CYRIA: variants seen among roughly 807,000 people sequenced by gnomAD.
CYRIA encodes the protein CYFIP-related Rac1 interactor A.
CYRIA carries 15 observed loss-of-function variants against 43.9 expected under a neutral mutation model. The ratio of observed to expected loss-of-function variants is 0.34; its 90% CI spans 0.23 to 0.53. CYRIA has a LOEUF of 0.53. Among genes scored for constraint, CYRIA ranks in the 20% least tolerant of loss-of-function variants. CYRIA has a pLI of 0.94. For missense variants in CYRIA, 236 were observed against 394.2 expected (o/e 0.60, Z 3.40); for synonymous variants, 117 against 136.0 (o/e 0.86, Z 0.97).
chr2:16,569,101 G>A (rs1250008202), intron 3 of CYRIA, among the ~76,000 whole-genome samples: 2 of 152,310 alleles, frequency 1.3e-5, no homozygotes, highest in South Asian at 2.1e-4. Context: ...TCCATCCCAG[G>A]TGAAGGGACC....
intron 2 of CYRIA, among the ~76,000 whole-genome samples, chr2:16,607,770 T>C (rs1668458939): frequency 6.6e-6 from 1 of 152,082 alleles, no homozygotes; most frequent in South Asian, 2.1e-4. Context: ...CTAATTTTCG[T>C]ATTTTTAGTA....
chr2:16,638,794 G>T (rs575969776), intron 1 of CYRIA, among the ~76,000 whole-genome samples: 1 of 152,136 alleles, frequency 6.6e-6, no homozygotes, highest in Non-Finnish European at 1.5e-5. Flanking sequence ...TGTTGTGTGT[G>T]TAGATCTATA....
chr2:16,660,904 G>T (rs1670235518), intron 1 of CYRIA, among the ~76,000 whole-genome samples: 2 of 152,198 alleles, frequency 1.3e-5, no homozygotes, highest in Admixed American at 1.3e-4. Context: ...ATTCGTGGGG[G>T]AAATGGGATT....
At chr2:16,625,606 C>T (rs1669137716) in intron 1 of CYRIA, 1 of 152,240 alleles carries the variant, frequency 6.6e-6, no homozygotes, top group African/African-American at 2.4e-5. Context: ...TTGGGGTCCA[C>T]AAATTCCACT....
At chr2:16,654,618 AG>A (rs1343449412) in intron 1 of CYRIA, among the ~76,000 whole-genome samples, 13 of 152,208 alleles carry the variant, frequency 8.5e-5, no homozygotes, top group African/African-American at 3.1e-4. Context: ...AGCCCTTTTC[AG>A]TCCTATGTCT....
At chr2:16,665,306 G>A (rs1408566245) in intron 1 of CYRIA, among the ~76,000 whole-genome samples, 1 of 152,132 alleles carries the variant, frequency 6.6e-6, no homozygotes, top group East Asian at 1.9e-4. Context: ...AAGAACGTCT[G>A]TGGCAGGTGG....
intron 1 of CYRIA, among the ~76,000 whole-genome samples, chr2:16,644,616 T>C (rs1418637874): frequency 6.6e-6 from 1 of 152,194 alleles, no homozygotes; most frequent in Non-Finnish European, 1.5e-5. Context: ...ACACTTGTCA[T>C]TACCAAATTC....
intron 3 of CYRIA, among the ~76,000 whole-genome samples, chr2:16,570,426 A>G (rs1464193855): frequency 6.6e-6 from 1 of 152,224 alleles, no homozygotes; most frequent in African/African-American, 2.4e-5. Flanking sequence ...TGAGTCTGAC[A>G]CAGTGAAAAA....
At chr2:16,634,864 G>T (rs892589976) in intron 1 of CYRIA, among the ~76,000 whole-genome samples, 1 of 152,202 alleles carries the variant, frequency 6.6e-6, no homozygotes, top group Non-Finnish European at 1.5e-5. Context: ...TTACACCATG[G>T]AAATTGTCCC....
chr2:16,645,519 G>A (rs2103540675), intron 1 of CYRIA, among the ~76,000 whole-genome samples: 1 of 152,302 alleles, frequency 6.6e-6, no homozygotes, highest in Middle Eastern at 3.4e-3. Context: ...AGAATTGAAT[G>A]CCTGTGAAGT....
At chr2:16,558,442 T>C (rs1229453202) in intron 10 of CYRIA, among the ~76,000 whole-genome samples, 2 of 152,188 alleles carry the variant, frequency 1.3e-5, no homozygotes, top group African/African-American at 4.8e-5. Flanking sequence ...CACTGTTCTC[T>C]GCAGATGAGT....
intron 1 of CYRIA, among the ~76,000 whole-genome samples, chr2:16,626,856 C>T (rs574458463): frequency 6.6e-6 from 1 of 152,358 alleles, no homozygotes; most frequent in South Asian, 2.1e-4. Flanking sequence ...GGCTTCACAC[C>T]ACACAACACA....
In CYRIA at chr2:16,606,657, T is replaced by C. The variant is rs535817903; in HGVS notation, c.-11+17207A>G. ...TGTTCTTGAAGTTTATCTGCCTCCA[T>C]AGTTCTCTGGCAGGTGGTAAAATAC... On this transcript the variant is annotated intron_variant, in intron 2 of 11. Transcript: ENST00000381323. 7.2e-5 allele frequency among the ~76,000 whole-genome samples: 11 copies of C among 152,128 alleles called. No homozygotes were observed. The South Asian group carries it at 2.3e-3, about 32-fold the overall frequency.
chr2:16,658,790 G>A (rs1168581371), intron 1 of CYRIA, among the ~76,000 whole-genome samples: 1 of 150,498 alleles, frequency 6.6e-6, no homozygotes, highest in African/African-American at 2.5e-5. Flanking sequence ...TAATCCCCCA[G>A]TTTCTGTGGA....
chr2:16,560,353 C>T (rs1666681037), intron 9 of CYRIA, among the ~76,000 whole-genome samples: 1 of 152,064 alleles, frequency 6.6e-6, no homozygotes, highest in African/African-American at 2.4e-5. Flanking sequence ...TTTGGTCTTC[C>T]TAAAGACTCT....
chr2:16,580,527 C>T lies in CYRIA; in HGVS notation c.70+7523G>A, dbSNP rs77696314. On this transcript the variant is annotated intron_variant, in intron 3 of 11. Coordinates refer to ENST00000381323, the MANE Select transcript of CYRIA (RefSeq NM_030797.4). ...TAAAAGGAAAGATGTGCTATATTCA[C>T]AGATAGGAAAAATCAATATTACACA... Among the ~76,000 whole-genome samples, 851 of 152,170 alleles carry T rather than the reference C, an allele frequency of 5.6e-3. 11 individuals carry two copies. Among genetic ancestry groups the T allele is most frequent in the African/African-American group, 0.019 (774 of 41,522 alleles).
chr2:16,639,507 G>A (rs1669609330), intron 1 of CYRIA, among the ~76,000 whole-genome samples: 1 of 152,260 alleles, frequency 6.6e-6, no homozygotes, highest in Admixed American at 6.5e-5. Context: ...GGCAAGACCA[G>A]TGGAAGCAGC....
intron 1 of CYRIA, among the ~76,000 whole-genome samples, chr2:16,652,251 C>G (rs983387849): frequency 5.3e-5 from 8 of 152,278 alleles, no homozygotes; most frequent in African/African-American, 1.2e-4. Flanking sequence ...TTACCTACCC[C>G]CCTCACACTC....
At chr2:16,615,465 GC>G (rs1668748592) in intron 2 of CYRIA, among the ~76,000 whole-genome samples, 2 of 152,170 alleles carry the variant, frequency 1.3e-5, no homozygotes, top group South Asian at 4.1e-4. Flanking sequence ...GACCCACTGA[GC>G]CCCCACTGCA....
Sources: gnomAD v4.1 joint callset for allele counts (sites outside exome capture counted in the v4.1 genomes callset) on GRCh38, gnomAD v4.1.1 for gene constraint, MANE v1.5 for transcripts, NCBI Gene and HGNC (gene_info 2026-07-23, HGNC 2026-07-21) for gene names.